GALNTL6: variants seen among roughly 807,000 people sequenced by gnomAD.
The protein encoded by GALNTL6 is polypeptide N-acetylgalactosaminyltransferase-like 6.
In GALNTL6, 46 loss-of-function variants were observed where a neutral mutation model predicts 73.7. The ratio of observed to expected loss-of-function variants is 0.62; its 90% CI spans 0.49 to 0.80. GALNTL6 has a LOEUF of 0.80. Ranked by LOEUF, GALNTL6 falls within the 30% of genes least tolerant of loss-of-function variation. GALNTL6 has a pLI of 0.00. For missense variants in GALNTL6, 604 were observed against 755.0 expected (o/e 0.80, Z 2.34); for synonymous variants, 259 against 263.7 (o/e 0.98, Z 0.17).
chr4:171,900,554 G>A (rs866816000), intron 2 of GALNTL6, among the ~76,000 whole-genome samples: 5 of 150,796 alleles, frequency 3.3e-5, no homozygotes, highest in Admixed American at 2.7e-4. Context: ...TCCTGACCTC[G>A]TGATCCACCC....
At chr4:172,477,102 T>A (rs141325492) in intron 5 of GALNTL6, among the ~76,000 whole-genome samples, 5,725 of 151,574 alleles carry the variant, frequency 0.038, 343 homozygotes, top group African/African-American at 0.13. Context: ...CTTTTTTGTA[T>A]TTTTACTAGA....
At position 172,442,461 on chromosome 4, in the gene GALNTL6, C is replaced by T. The variant is rs79904999; in HGVS notation, c.553+93772C>T. ...TTGTACTTAAATTTTATAAATAATG[C>T]TCAATAAGTATTTAGACTATACTTA... On this transcript the variant is annotated intron_variant, in intron 5 of 12. Transcript: ENST00000506823. Among the ~76,000 whole-genome samples, 632 of 152,220 alleles carry T rather than the reference C, an allele frequency of 4.2e-3. 5 individuals are homozygous for T. Among genetic ancestry groups the T allele is most frequent in the African/African-American group, 0.014 (568 of 41,552 alleles).
At chr4:172,045,325 T>C (rs894877013) in intron 2 of GALNTL6, among the ~76,000 whole-genome samples, 1 of 152,044 alleles carries the variant, frequency 6.6e-6, no homozygotes, top group African/African-American at 2.4e-5. Context: ...CCACAAAATT[T>C]GTCCATATTT....
intron 5 of GALNTL6, among the ~76,000 whole-genome samples, chr4:172,375,482 C>A (rs11132938): frequency 0.21 from 32,016 of 151,980 alleles, 3,693 homozygotes; most frequent in East Asian, 0.36. Flanking sequence ...ACAAAAATGC[C>A]CCCAGTTTTG....
intron 2 of GALNTL6, among the ~76,000 whole-genome samples, chr4:171,820,908 A>G (rs1579481947): frequency 6.6e-6 from 1 of 152,198 alleles, no homozygotes; most frequent in East Asian, 1.9e-4. Flanking sequence ...TATGATTTCA[A>G]TACTTGAAAT....
At chr4:172,899,538 T>C (rs1746510977) in intron 8 of GALNTL6, among the ~76,000 whole-genome samples, 1 of 152,176 alleles carries the variant, frequency 6.6e-6, no homozygotes, top group African/African-American at 2.4e-5. Context: ...CAGGAGGTAG[T>C]ACTGATAGTA....
intron 5 of GALNTL6, among the ~76,000 whole-genome samples, chr4:172,722,561 T>A (rs1367422920): frequency 6.6e-6 from 1 of 152,128 alleles, no homozygotes; most frequent in Non-Finnish European, 1.5e-5. Flanking sequence ...ATTTTGATTT[T>A]TTAAAATGCA....
intron 5 of GALNTL6, among the ~76,000 whole-genome samples, chr4:172,570,205 G>A (rs140712340): frequency 1.3e-5 from 2 of 152,186 alleles, no homozygotes; most frequent in Non-Finnish European, 2.9e-5. Context: ...TCATCCAGAC[G>A]AGCCCGGGCA....
At chr4:171,988,572 G>A (rs1259732618) in intron 2 of GALNTL6, among the ~76,000 whole-genome samples, 2 of 152,102 alleles carry the variant, frequency 1.3e-5, no homozygotes, top group South Asian at 2.1e-4. Context: ...GAGAGTATAT[G>A]GGTTTGGCAC....
At chr4:171,894,125 C>T (rs1736841718) in intron 2 of GALNTL6, among the ~76,000 whole-genome samples, 1 of 152,128 alleles carries the variant, frequency 6.6e-6, no homozygotes, top group Non-Finnish European at 1.5e-5. Context: ...AGTATTAAGA[C>T]TGTCACTAAG....
chr4:172,654,490 G>A (rs2111160565), intron 5 of GALNTL6, among the ~76,000 whole-genome samples: 1 of 151,838 alleles, frequency 6.6e-6, no homozygotes, highest in East Asian at 1.9e-4. Flanking sequence ...TTCATACTTA[G>A]GTCAAAAATC....
intron 5 of GALNTL6, among the ~76,000 whole-genome samples, chr4:172,478,185 A>G (rs1733308806): frequency 6.6e-6 from 1 of 152,192 alleles, no homozygotes; most frequent in Admixed American, 6.5e-5. Flanking sequence ...TTTATATGGG[A>G]CCAAACAAGA....
chr4:172,116,576 T>G (rs1414793394), intron 2 of GALNTL6, among the ~76,000 whole-genome samples: 1 of 152,136 alleles, frequency 6.6e-6, no homozygotes, highest in Non-Finnish European at 1.5e-5. Context: ...GGCTAAGATT[T>G]TTAACTACAT....
chr4:172,348,770 G>T, intron 5 of GALNTL6, 81 bp downstream of exon 5: 1 of 862,696 alleles, frequency 1.2e-6, no homozygotes, highest in Admixed American at 2.8e-5. Context: ...AAGACAATGG[G>T]AGCTTCTTTC....
At chr4:173,032,440 G>A (rs1257390869) in intron 12 of GALNTL6, among the ~76,000 whole-genome samples, 1 of 147,940 alleles carries the variant, frequency 6.8e-6, no homozygotes, top group Non-Finnish European at 1.5e-5. Context: ...GACAGAGCGA[G>A]ACTCCGTCTC....
At chr4:172,303,362 C>A (rs1740009286) in intron 3 of GALNTL6, among the ~76,000 whole-genome samples, 1 of 152,168 alleles carries the variant, frequency 6.6e-6, no homozygotes, top group African/African-American at 2.4e-5. Flanking sequence ...AGATGTACTA[C>A]TTCCAGAATA....
intron 5 of GALNTL6, among the ~76,000 whole-genome samples, chr4:172,443,633 G>A (rs953054767): frequency 1.3e-5 from 2 of 152,010 alleles, no homozygotes; most frequent in African/African-American, 4.8e-5. Flanking sequence ...GGTGATATAT[G>A]AAAAACAAGG....
chr4:172,795,796 A>T (rs1366393528), intron 5 of GALNTL6, among the ~76,000 whole-genome samples: 2 of 152,096 alleles, frequency 1.3e-5, no homozygotes, highest in East Asian at 3.8e-4. Context: ...TACCTCCAGG[A>T]GTATCTCCTA....
chr4:172,559,913 T>C (rs1212185713), intron 5 of GALNTL6, among the ~76,000 whole-genome samples: 4 of 152,342 alleles, frequency 2.6e-5, no homozygotes, highest in Admixed American at 6.5e-5. Context: ...CTTAGAAATA[T>C]GTTATGCTTT....
Sources: allele counts gnomAD v4.1 joint callset (sites outside exome capture counted in the v4.1 genomes callset), GRCh38; gene constraint gnomAD v4.1.1; transcripts MANE v1.5; gene names NCBI Gene and HGNC (gene_info 2026-07-23, HGNC 2026-07-21).